PARD3B: variants seen among roughly 807,000 people sequenced by gnomAD.
PARD3B encodes par-3 family cell polarity regulator beta.
In PARD3B, 103 loss-of-function variants were observed where a neutral mutation model predicts 130.2. That is an observed-to-expected ratio of 0.79 (90% CI 0.67 to 0.93). PARD3B has a LOEUF of 0.93. Among genes scored for constraint, PARD3B ranks in the 40% least tolerant of loss-of-function variants. The probability of loss-of-function intolerance (pLI) is 0.00; values close to 1 mark genes in which losing one functional copy is unlikely to be tolerated. For missense variants in PARD3B, 1,609 were observed against 1,499.2 expected, an observed-to-expected ratio of 1.07 and a Z score of -1.21; for synonymous variants, 583 against 553.2, an observed-to-expected ratio of 1.05 and a Z score of -0.76.
chr2:205,310,682 T>G (rs1191600997), intron 18 of PARD3B, among the ~76,000 whole-genome samples: 1 of 151,582 alleles, frequency 6.6e-6, no homozygotes, highest in African/African-American at 2.4e-5. Flanking sequence ...TACTTTTTAA[T>G]GGCTGAAATA....
intron 4 of PARD3B, among the ~76,000 whole-genome samples, chr2:205,100,609 CTG>C (rs1169382823): frequency 6.6e-6 from 1 of 152,066 alleles, no homozygotes; most frequent in Admixed American, 6.6e-5. Context: ...CAATAATTGA[CTG>C]TGTCGTACTG....
intron 1 of PARD3B, among the ~76,000 whole-genome samples, chr2:204,571,047 A>G (rs941940383): frequency 2.6e-5 from 4 of 152,096 alleles, no homozygotes; most frequent in Non-Finnish European, 4.4e-5. Flanking sequence ...ATAAGCTGTT[A>G]TAACTGAGGT....
chr2:205,469,168 C>T (rs1002242541), intron 20 of PARD3B, among the ~76,000 whole-genome samples: 1 of 152,036 alleles, frequency 6.6e-6, no homozygotes, highest in Non-Finnish European at 1.5e-5. Flanking sequence ...TGGCATAGTT[C>T]CTAAAGCATT....
chr2:205,067,688 A>G (rs1700476248), intron 4 of PARD3B, among the ~76,000 whole-genome samples: 1 of 152,186 alleles, frequency 6.6e-6, no homozygotes, highest in Non-Finnish European at 1.5e-5. Flanking sequence ...AATATTTGGC[A>G]TGAGAAATCA....
At chr2:204,735,158 G>C (rs974417330) in intron 2 of PARD3B, among the ~76,000 whole-genome samples, 1 of 151,876 alleles carries the variant, frequency 6.6e-6, no homozygotes, top group Non-Finnish European at 1.5e-5. Flanking sequence ...CAAATACTGC[G>C]CTACAAATTA....
chr2:204,881,096 T>A (rs1284097300), intron 2 of PARD3B, among the ~76,000 whole-genome samples: 1 of 152,234 alleles, frequency 6.6e-6, no homozygotes, highest in African/African-American at 2.4e-5. Context: ...TACCTCATAG[T>A]TAAGTAGAGG....
At chr2:205,505,523 A>G (rs1022240784) in intron 21 of PARD3B, among the ~76,000 whole-genome samples, 1 of 152,226 alleles carries the variant, frequency 6.6e-6, no homozygotes, top group African/African-American at 2.4e-5. Flanking sequence ...AAAGCTGTAA[A>G]GAACAAGTTG....
intron 21 of PARD3B, among the ~76,000 whole-genome samples, chr2:205,535,000 ACATGAGTTTCCAGT>A (rs1214919077): frequency 4.6e-5 from 7 of 152,194 alleles, no homozygotes; most frequent in Non-Finnish European, 7.3e-5. Context: ...AAATCGGGAC[ACATGAGTTTCCAGT>A]CTACAGAGGG....
chr2:204,806,387 G>C lies in PARD3B; in HGVS notation c.222+120105G>C, dbSNP rs11887075. Among the ~76,000 whole-genome samples, 766 of 151,948 alleles carry C rather than the reference G, an allele frequency of 5.0e-3. 9 individuals carry two copies. The highest frequency in any genetic ancestry group is 0.017 in the African/African-American group (703 of 41,458). On this transcript the variant is annotated intron_variant, in intron 2 of 22. Coordinates refer to ENST00000406610, the MANE Select transcript of PARD3B (RefSeq NM_001302769.2). ...CAAAGGTACCAAGAACATACATTGGGGAAAAGATAGTCTTCAATAAATAGT... is the reference window on the plus strand; with the variant it reads ...CAAAGGTACCAAGAACATACATTGGCGAAAAGATAGTCTTCAATAAATAGT...
chr2:204,612,378 C>T (rs916311814), intron 1 of PARD3B, among the ~76,000 whole-genome samples: 4 of 152,192 alleles, frequency 2.6e-5, no homozygotes, highest in African/African-American at 7.2e-5. Context: ...CATCAGCCTG[C>T]GGGTGCCCAG....
At position 204,689,813 on chromosome 2, in the gene PARD3B, G is replaced by A. The variant is rs549640869; in HGVS notation, c.222+3531G>A. The stretch of plus-strand genomic sequence containing the variant: ...TCTGGAACCTAGAATTTAAATTTCT[G>A]TAATCTTATTTCTTTTCTTCTCTGA... On this transcript the variant is annotated intron_variant, in intron 2 of 22. Transcript: ENST00000406610. This position sits in a 1 kb window ranked among gnomAD's most constrained non-coding sequence, Gnocchi z 5.2. 1.5e-3 allele frequency among the ~76,000 whole-genome samples: 222 copies of A among 152,104 alleles called. No homozygotes were observed. Among genetic ancestry groups the A allele is most frequent in the Non-Finnish European group, 1.8e-3 (120 of 68,008 alleles).
At chr2:204,917,812 G>A (rs984570203) in intron 2 of PARD3B, among the ~76,000 whole-genome samples, 1 of 152,096 alleles carries the variant, frequency 6.6e-6, no homozygotes, top group Non-Finnish European at 1.5e-5. Context: ...TGGGGTTATT[G>A]TTATAAATTA....
At chr2:205,001,465 C>T (rs969106708) in intron 3 of PARD3B, among the ~76,000 whole-genome samples, 3 of 152,168 alleles carry the variant, frequency 2.0e-5, no homozygotes, top group Admixed American at 2.0e-4. Context: ...TCATACAGAG[C>T]CCTTACATAT....
At position 205,176,746 on chromosome 2, in the gene PARD3B, C is replaced by T. The variant is rs2035495900; in HGVS notation, c.1924+169C>T. ...GAGTTGGGGGAGAGCTGACTCAGAA[C>T]TTGTGAATCAGATTCCTGGCAATGT... is the stretch of plus-strand genomic sequence containing the variant. On this transcript the variant is annotated intron_variant, in intron 13 of 22. Transcript: ENST00000406610. This position sits in a 1 kb window ranked among gnomAD's most constrained non-coding sequence, Gnocchi z 5.3. Among the ~76,000 whole-genome samples the T allele has an allele frequency of 2.0e-5, 3 of 151,880 alleles. 1 individual carries two copies. Among genetic ancestry groups the T allele is most frequent in the South Asian group, 4.2e-4 (2 of 4,808 alleles).
intron 19 of PARD3B, among the ~76,000 whole-genome samples, chr2:205,425,550 T>TAAAAAAAAAAA (rs34514205): frequency 7.4e-6 from 1 of 134,704 alleles, no homozygotes. Context: ...AGACTCGGTG[T>TAAAAAAAAAAA]AAAAAAAAAA....
chr2:205,113,392 GGGTGTGTGTGT>G, intron 5 of PARD3B, 88 bp from the exon 6 acceptor site: 1 of 546,682 alleles, frequency 1.8e-6, no homozygotes, highest in Non-Finnish European at 3.0e-6. Context: ...TCCTGAGCAG[GGGTGTGTGTGT>G]GTGTGTGTGT....
At chr2:204,992,823 T>C (rs1469440260) in intron 3 of PARD3B, among the ~76,000 whole-genome samples, 2 of 143,812 alleles carry the variant, frequency 1.4e-5, no homozygotes, top group Non-Finnish European at 3.0e-5. Context: ...CCTAGGTATT[T>C]TATTCTCTTT....
chr2:205,465,695 C>T (rs1444769488), intron 20 of PARD3B, among the ~76,000 whole-genome samples: 1 of 152,094 alleles, frequency 6.6e-6, no homozygotes, highest in Non-Finnish European at 1.5e-5. Flanking sequence ...CAAAGCTTTT[C>T]CATTCTGGTG....
chr2:204,706,591 A>G (rs891203971), intron 2 of PARD3B, among the ~76,000 whole-genome samples: 48 of 152,144 alleles, frequency 3.2e-4, no homozygotes, highest in African/African-American at 1.1e-3. Flanking sequence ...AAATAAGTCG[A>G]GTTGGACATG....
Sources: allele counts gnomAD v4.1 joint callset (sites outside exome capture counted in the v4.1 genomes callset), GRCh38; gene constraint gnomAD v4.1.1; non-coding constraint Gnocchi (gnomAD v3.1); transcripts MANE v1.5; gene names NCBI Gene and HGNC (gene_info 2026-07-23, HGNC 2026-07-21).